Variants in ILDR1 observed in about 807,000 individuals in gnomAD.
ILDR1 encodes the protein immunoglobulin-like domain-containing receptor 1.
A neutral mutation model predicts 62.4 loss-of-function variants in ILDR1; 56 were observed. The ratio of observed to expected loss-of-function variants is 0.90; its 90% confidence interval spans 0.72 to 1.12. The LOEUF is 1.12. Ranked by LOEUF, ILDR1 falls within the 50% of genes most tolerant of loss-of-function variation. The pLI, the probability that ILDR1 is intolerant of heterozygous loss-of-function variation, is 0.00. For missense variants in ILDR1, 736 were observed against 710.6 expected, an observed-to-expected ratio of 1.04 and a Z score of -0.41; for synonymous variants, 284 against 277.8, an observed-to-expected ratio of 1.02 and a Z score of -0.22.
At chr3:121,989,505 T>C (rs1012854728) in intron 7 of ILDR1, among the ~76,000 whole-genome samples, 9 of 152,242 alleles carry the variant, frequency 5.9e-5, no homozygotes, top group Non-Finnish European at 1.5e-5. Flanking sequence ...AACAGGTGTA[T>C]ACCGGCCAAG....
At chr3:122,054,551 G>C in the ILDR1 span, among the ~76,000 whole-genome samples, 1 of 151,832 alleles carries the variant, frequency 6.6e-6, no homozygotes, top group Non-Finnish European at 1.5e-5. Context: ...ATGCCAAGTT[G>C]TTTTTTGTTT....
intron 4 of ILDR1, 72 bp downstream of exon 4, chr3:122,001,673 T>G (rs1291596883): frequency 1.2e-6 from 2 of 1,601,714 alleles, no homozygotes; most frequent in South Asian, 1.1e-5. Flanking sequence ...TCTGGTTTTT[T>G]TTTTTTTTTC....
At chr3:122,016,070 G>A (rs1252596946) in intron 1 of ILDR1, among the ~76,000 whole-genome samples, 1 of 152,146 alleles carries the variant, frequency 6.6e-6, no homozygotes, top group Non-Finnish European at 1.5e-5. Context: ...CACTTCTCTG[G>A]CCTCAACTCC....
the ILDR1 span, among the ~76,000 whole-genome samples, chr3:122,051,713 A>T: frequency 1.3e-5 from 2 of 152,166 alleles, no homozygotes; most frequent in African/African-American, 4.8e-5. Context: ...ATTAAAAAAC[A>T]AAACACACAA....
At chr3:122,050,640 G>T in the ILDR1 span, among the ~76,000 whole-genome samples, 3 of 150,618 alleles carry the variant, frequency 2.0e-5, no homozygotes, top group Non-Finnish European at 4.4e-5. Context: ...CTATGCTTTT[G>T]TTTTTTTTAA....
At chr3:122,054,563 T>G in the ILDR1 span, among the ~76,000 whole-genome samples, 3 of 152,366 alleles carry the variant, frequency 2.0e-5, no homozygotes, top group South Asian at 4.1e-4. Flanking sequence ...TTTTTGTTTC[T>G]CTGTAGTCAT....
intron 1 of ILDR1, among the ~76,000 whole-genome samples, chr3:122,014,841 C>T (rs557151299): frequency 4.5e-4 from 69 of 152,158 alleles, no homozygotes; most frequent in Non-Finnish European, 8.7e-4. Context: ...TTTTGGTTAC[C>T]GGGGGAGAGG....
chr3:122,019,686 A>G (rs1164671559), intron 1 of ILDR1, among the ~76,000 whole-genome samples: 1 of 152,208 alleles, frequency 6.6e-6, no homozygotes, highest in Admixed American at 6.5e-5. Context: ...TGGCCTCAGA[A>G]GCTTCATTAG....
chr3:121,993,704 G>T lies in ILDR1; in HGVS notation c.1045C>A (p.Leu349Met), dbSNP rs753262737. Residue 349 changes from leucine (L) to methionine (M), a missense_variant, in exon 7 of 8, where the codon CTG becomes ATG. Coordinates refer to ENST00000344209, the MANE Select transcript of ILDR1 (RefSeq NM_001199799.2). ...ATTGGGGTGAGCCACTGCTGGTGCA[G>T]GGAGTCACTGGTCCTCCTTGAGGAT... is the stretch of plus-strand genomic sequence containing the variant. ...LSSSRRTSDS[L>M]HQQWLTPIPS... 1 of 1,614,172 alleles carries T rather than the reference G, an allele frequency of 6.2e-7. No homozygotes were observed. The highest frequency in any genetic ancestry group is 1.1e-5 in the South Asian group (1 of 91,084).
the ILDR1 span, among the ~76,000 whole-genome samples, chr3:122,032,429 C>T: frequency 6.6e-6 from 1 of 152,136 alleles, no homozygotes; most frequent in Admixed American, 6.5e-5. Flanking sequence ...TATAAACATT[C>T]TTTGACATGT....
At chr3:122,001,188 G>C (rs981077346) in intron 5 of ILDR1, 120 bp downstream of exon 5, 3 of 1,162,238 alleles carry the variant, frequency 2.6e-6, no homozygotes, top group Admixed American at 1.9e-5. Flanking sequence ...CTGTCCCTAT[G>C]ATGGGAGAAG....
rs747936869 is a variant in ILDR1, at chr3:121,987,411, G to A, written c.*956C>T. On this transcript the variant is annotated 3_prime_UTR_variant, in exon 8 of 8. Transcript: ENST00000344209. ...TTATATACTGTGTCATTCCCAAGAA[G>A]GATTTAAAGTGACTTCAATCAATAC... 1.3e-5 allele frequency: 2 copies of A among 151,694 alleles called. No homozygotes were observed. The highest frequency in any genetic ancestry group is 2.4e-5 in the African/African-American group (1 of 41,230). The allele number at this position is 151,694 out of a possible 1,614,324, so 9.4% of individuals were successfully genotyped here. A position where few individuals can be genotyped will look rare whatever the true frequency, so the allele number is the denominator to read the frequency against.
chr3:122,045,694 A>G, the ILDR1 span, among the ~76,000 whole-genome samples: 1 of 150,838 alleles, frequency 6.6e-6, no homozygotes, highest in African/African-American at 2.4e-5. Context: ...GTCTCTTTTG[A>G]TCTTTGTTGG....
At chr3:122,025,023 A>C (rs2071908618), upstream of ILDR1, among the ~76,000 whole-genome samples, 1 of 152,236 alleles carries the variant, frequency 6.6e-6, no homozygotes, top group Admixed American at 6.5e-5. Flanking sequence ...CGTCCAATAA[A>C]GATTAGATAA....
chr3:122,014,472 T>C (rs2071750879), intron 1 of ILDR1, among the ~76,000 whole-genome samples: 1 of 152,238 alleles, frequency 6.6e-6, no homozygotes. Flanking sequence ...ACTCCATCAA[T>C]GAGCCACTTT....
chr3:121,992,372 A>G (rs1481812879), intron 7 of ILDR1, among the ~76,000 whole-genome samples: 3 of 152,192 alleles, frequency 2.0e-5, no homozygotes, highest in African/African-American at 7.2e-5. Context: ...TCCTGACCTC[A>G]GGTGATCCAC....
chr3:122,001,680 T>C, intron 4 of ILDR1, 65 bp downstream of exon 4: 4 of 1,604,870 alleles, frequency 2.5e-6, no homozygotes, highest in Non-Finnish European at 3.4e-6. Flanking sequence ...TTTTTTTTTT[T>C]TTCCTGTGAG....
At position 122,007,051 on chromosome 3, in the gene ILDR1, C is replaced by G; in HGVS notation, c.169G>C (p.Val57Leu). Residue 57 changes from valine to leucine, a missense_variant, in exon 2 of 8, where the codon GTG becomes CTG. Coordinates refer to ENST00000344209, the MANE Select transcript of ILDR1 (RefSeq NM_001199799.2). ...AAGGACTTGAAGCGCCATGTCACCACCACGTCCTGGAGCTGGGCAGAGGTG... is the reference window on the plus strand; with the variant it reads ...AAGGACTTGAAGCGCCATGTCACCAGCACGTCCTGGAGCTGGGCAGAGGTG... The part of the protein sequence containing the change: ...YTTSAQLQDV[V>L]VTWRFKSFCK... The G allele has an allele frequency of 6.2e-7, 1 of 1,614,042 alleles. No homozygotes were observed. The highest frequency in any genetic ancestry group is 8.5e-7 in the Non-Finnish European group (1 of 1,180,032).
At chr3:122,007,410 A>T (rs1167670023) in intron 1 of ILDR1, 9 of 612,728 alleles carry the variant, frequency 1.5e-5, no homozygotes, top group African/African-American at 1.8e-5. Context: ...ACAGTGCATT[A>T]ACAGTGATGA....
Sources: gnomAD v4.1 joint callset for allele counts (sites outside exome capture counted in the v4.1 genomes callset) on GRCh38, gnomAD v4.1.1 for gene constraint, MANE v1.5 for transcripts, NCBI Gene and HGNC (gene_info 2026-07-23, HGNC 2026-07-21) for gene names.